Variants in PCDH15 observed in about 807,000 individuals in gnomAD.
The protein encoded by PCDH15 is protocadherin-15.
Under a neutral mutation model 178.5 loss-of-function variants are expected in PCDH15, and 129 were observed. That is an observed-to-expected ratio of 0.72 (90% CI 0.63 to 0.84). The LOEUF (loss-of-function observed/expected upper bound fraction) is 0.84. PCDH15 is among the 40% of genes least tolerant of loss of function. The probability of loss-of-function intolerance (pLI) is 0.00; values close to 1 mark genes in which losing one functional copy is unlikely to be tolerated. For missense variants in PCDH15, 2,230 were observed against 2,099.9 expected, an observed-to-expected ratio of 1.06 and a Z score of -1.21; for synonymous variants, 800 against 732.0, an observed-to-expected ratio of 1.09 and a Z score of -1.50.
intron 2 of PCDH15, among the ~76,000 whole-genome samples, chr10:54,659,574 A>C (rs1478521105): frequency 6.6e-6 from 1 of 151,856 alleles, no homozygotes; most frequent in East Asian, 1.9e-4. Flanking sequence ...CCAACATGGT[A>C]AAACCCCATC....
chr10:55,298,680 A>G (rs1222132821), intron 1 of PCDH15, among the ~76,000 whole-genome samples: 2 of 152,020 alleles, frequency 1.3e-5, no homozygotes, highest in African/African-American at 4.8e-5. Context: ...CTGCCAGTTC[A>G]AGTGATTCTC....
chr10:55,236,336 T>C (rs1841386509), intron 1 of PCDH15, among the ~76,000 whole-genome samples: 1 of 152,070 alleles, frequency 6.6e-6, no homozygotes, highest in Non-Finnish European at 1.5e-5. Context: ...GAATAATGTC[T>C]ACAGAAATAT....
At chr10:54,522,158 G>C (rs1279276227) in intron 3 of PCDH15, among the ~76,000 whole-genome samples, 1 of 150,444 alleles carries the variant, frequency 6.6e-6, no homozygotes, top group East Asian at 2.0e-4. Flanking sequence ...ACACAGTTGT[G>C]AATTTGAATT....
chr10:53,930,948 G>T (rs2926393), intron 25 of PCDH15, among the ~76,000 whole-genome samples: 7,121 of 152,188 alleles, frequency 0.047, 514 homozygotes, highest in African/African-American at 0.16. Context: ...CTTTGTAAAA[G>T]GAAGATAATT....
intron 2 of PCDH15, among the ~76,000 whole-genome samples, chr10:55,443,086 T>C (rs1249607760): frequency 1.3e-5 from 2 of 152,156 alleles, no homozygotes; most frequent in Non-Finnish European, 2.9e-5. Context: ...TGGCTAGCCA[T>C]ATGCAGAAAA....
At position 54,378,900 on chromosome 10, in the gene PCDH15, C is replaced by A; in HGVS notation, c.200G>T (p.Gly67Val). The change falls in exon 4 of 38, where the codon GGA becomes GTA. Residue 67 changes from glycine to valine, a missense_variant. Physicochemically the swap from Gly to Val is moderately radical, Grantham distance 109. Transcript: ENST00000644397. Reference sequence around the variant, plus strand: ...AAGTTCTATGGTGGGGTCTGGTCCTCCAGCAGTCCCTTTGATCAGCATGTT... The same window carrying A: ...AAGTTCTATGGTGGGGTCTGGTCCTACAGCAGTCCCTTTGATCAGCATGTT... ...VDNMLIKGTA[G>V]GPDPTIELSL... 1.2e-6 allele frequency: 2 copies of A among 1,613,768 alleles called. No homozygotes were observed. The highest frequency in any genetic ancestry group is 1.7e-5 in the Admixed American group (1 of 59,964).
At chr10:54,693,190 T>A (rs1043212117) in intron 1 of PCDH15, among the ~76,000 whole-genome samples, 13 of 152,112 alleles carry the variant, frequency 8.5e-5, no homozygotes, top group African/African-American at 2.4e-5. Context: ...ATTCTTAGGA[T>A]GATATTTCTC....
At chr10:55,493,602 G>T (rs1477976161) in intron 2 of PCDH15, among the ~76,000 whole-genome samples, 1 of 151,520 alleles carries the variant, frequency 6.6e-6, no homozygotes, top group Non-Finnish European at 1.5e-5. Context: ...GAGCCAGAAG[G>T]ATGACATATT....
Position 53,827,500 on chromosome 10 carries a change from G to T in PCDH15, c.4260C>A (p.Pro1420=). The change falls in exon 32 of 38, where the codon CCC becomes CCA. Residue 1420 remains proline, a synonymous_variant. Coordinates refer to ENST00000644397, the MANE Select transcript of PCDH15 (RefSeq NM_001384140.1). ...TKTARIQAAL[P]AAKPAVPAPA... ...GAGCCGGCACTGCTGGTTTAGCCGCGGGTAATGCGGCCTGAATTCGTGCAG... is the reference window on the plus strand; with the variant it reads ...GAGCCGGCACTGCTGGTTTAGCCGCTGGTAATGCGGCCTGAATTCGTGCAG... The T allele has an allele frequency of 6.2e-7, 1 of 1,614,102 alleles. No homozygotes were observed. Among genetic ancestry groups the T allele is most frequent in the Non-Finnish European group, 8.5e-7 (1 of 1,179,956 alleles).
intron 3 of PCDH15, among the ~76,000 whole-genome samples, chr10:54,525,794 T>C (rs2132627573): frequency 6.6e-6 from 1 of 152,320 alleles, no homozygotes; most frequent in African/African-American, 2.4e-5. Flanking sequence ...TTTGATTGCC[T>C]AAAGAAAAAT....
chr10:54,777,327 A>T (rs1382405071), intron 1 of PCDH15, among the ~76,000 whole-genome samples: 1 of 152,166 alleles, frequency 6.6e-6, no homozygotes. Flanking sequence ...GGTTCTCTTG[A>T]GATGCAGACA....
chr10:54,511,639 T>C (rs16906233), intron 3 of PCDH15, among the ~76,000 whole-genome samples: 2,973 of 152,272 alleles, frequency 0.02, 104 homozygotes, highest in African/African-American at 0.067. Context: ...CACATTAAAT[T>C]TGGAAAATAG....
intron 2 of PCDH15, among the ~76,000 whole-genome samples, chr10:55,367,386 G>C (rs989576470): frequency 1.3e-5 from 2 of 151,972 alleles, no homozygotes; most frequent in Non-Finnish European, 2.9e-5. Context: ...TTTGAGACCA[G>C]CCTAGGAAAC....
chr10:55,048,605 A>C (rs188416946), intron 2 of PCDH15, among the ~76,000 whole-genome samples: 1 of 152,026 alleles, frequency 6.6e-6, no homozygotes, highest in Admixed American at 6.6e-5. Flanking sequence ...GCCATTTTTA[A>C]CCCAAATCTG....
At chr10:54,101,674 A>G (rs1267196517) in intron 15 of PCDH15, among the ~76,000 whole-genome samples, 1 of 152,180 alleles carries the variant, frequency 6.6e-6, no homozygotes, top group African/African-American at 2.4e-5. Flanking sequence ...AACCTTAAAA[A>G]TTAAAGTCTC....
At chr10:54,974,057 TCACACA>T (rs3072796) in intron 2 of PCDH15, among the ~76,000 whole-genome samples, 8 of 99,650 alleles carry the variant, frequency 8.0e-5, no homozygotes, top group African/African-American at 2.2e-4. Flanking sequence ...TCTCTCTCTC[TCACACA>T]CACACACACA....
intron 10 of PCDH15, among the ~76,000 whole-genome samples, chr10:54,202,627 A>G (rs2050351021): frequency 6.6e-6 from 1 of 151,980 alleles, no homozygotes; most frequent in Admixed American, 6.6e-5. Context: ...AGCCTGACCA[A>G]TGTAGAGAAA....
chr10:54,422,298 T>C (rs867332424), intron 3 of PCDH15, among the ~76,000 whole-genome samples: 1 of 152,100 alleles, frequency 6.6e-6, no homozygotes, highest in Non-Finnish European at 1.5e-5. Flanking sequence ...ACCTCCTCTA[T>C]GCTTCAATTT....
chr10:55,028,165 T>G (rs1343386612), intron 2 of PCDH15, among the ~76,000 whole-genome samples: 1 of 151,916 alleles, frequency 6.6e-6, no homozygotes, highest in East Asian at 1.9e-4. Flanking sequence ...GTAGTACTAT[T>G]ATTTTTCTCA....
Sources: gnomAD v4.1 joint callset for allele counts (sites outside exome capture counted in the v4.1 genomes callset) on GRCh38, gnomAD v4.1.1 for gene constraint, MANE v1.5 for transcripts, NCBI Gene and HGNC (gene_info 2026-07-23, HGNC 2026-07-21) for gene names.